Variants in ANKRD62 observed in about 807,000 individuals in gnomAD.
The protein encoded by ANKRD62 is ankyrin repeat domain 62.
A neutral mutation model predicts 98.8 loss-of-function variants in ANKRD62; 61 were observed. The observed-to-expected ratio is 0.62, with a 90% CI of 0.50 to 0.76. The LOEUF (loss-of-function observed/expected upper bound fraction) is 0.76. Among genes scored for constraint, ANKRD62 ranks in the 30% least tolerant of loss-of-function variants. The probability of loss-of-function intolerance (pLI) is 0.00; values close to 1 mark genes in which losing one functional copy is unlikely to be tolerated. For synonymous variants in ANKRD62, 341 were observed against 367.9 expected (o/e 0.93, Z 0.84); for missense variants, 933 against 1,082.9 (o/e 0.86, Z 1.94).
intron 10 of ANKRD62, among the ~76,000 whole-genome samples, chr18:12,119,557 G>A (rs1909741398): frequency 1.3e-5 from 2 of 151,994 alleles, no homozygotes; most frequent in African/African-American, 2.4e-5. Flanking sequence ...GGGCGGAGGA[G>A]CTCTCTGAGG....
intron 13 of ANKRD62, among the ~76,000 whole-genome samples, chr18:12,127,126 G>A (rs925650668): frequency 6.6e-6 from 1 of 152,164 alleles, no homozygotes; most frequent in African/African-American, 2.4e-5. Flanking sequence ...CTCTCATTTG[G>A]ATATAAGGTT....
At chr18:12,095,886 C>T (rs1051287987) in intron 3 of ANKRD62, among the ~76,000 whole-genome samples, 3 of 152,180 alleles carry the variant, frequency 2.0e-5, no homozygotes, top group Non-Finnish European at 4.4e-5. Context: ...AGATTTCAGG[C>T]TTCTCTTAAA....
At chr18:12,131,872 A>G (rs563321476), downstream of ANKRD62, among the ~76,000 whole-genome samples, 5 of 151,932 alleles carry the variant, frequency 3.3e-5, no homozygotes, top group African/African-American at 1.2e-4. Flanking sequence ...TAATTCTTCA[A>G]ACTGGATTGT....
intron 8 of ANKRD62, among the ~76,000 whole-genome samples, chr18:12,112,660 A>T (rs1390189574): frequency 6.6e-6 from 1 of 152,230 alleles, no homozygotes; most frequent in Non-Finnish European, 1.5e-5. Flanking sequence ...ACCGGCAAAG[A>T]TTTCATCATG....
chr18:12,134,485 A>G (rs996564499), downstream of ANKRD62, among the ~76,000 whole-genome samples: 7 of 151,984 alleles, frequency 4.6e-5, no homozygotes, highest in Admixed American at 3.9e-4. Context: ...TTAACTCGTC[A>G]TTTACATTAG....
rs1343599823 is a variant in ANKRD62 at position 12,102,868 on chromosome 18, GGTTTT to G, written c.821-286_821-282del. On this transcript the variant is annotated intron_variant, in intron 6 of 13. Coordinates refer to ENST00000587848, the MANE Select transcript of ANKRD62 (RefSeq NM_001277333.2). ...GATTTTCAAATTTTGTTTTTCTGAT[GGTTTT>G]GTTCATTTATATTGTTGGGTGGATT... is the stretch of plus-strand genomic sequence containing the variant. 9.7e-6 allele frequency: 7 copies of G among 724,392 alleles called. No homozygotes were observed. The African/African-American group carries it at 1.3e-4, about 14-fold the overall frequency. 44.9% of individuals were successfully genotyped at this position (724,392 alleles called of 1,614,324 possible).
chr18:12,103,040 T>G (rs767958640), intron 6 of ANKRD62, 118 bp from the exon 7 acceptor site: 9 of 776,882 alleles, frequency 1.2e-5, no homozygotes, highest in African/African-American at 3.6e-5. Flanking sequence ...TTAAGCTTCA[T>G]TAAAATTCTC....
At chr18:12,153,062 C>T in the ANKRD62 span, among the ~76,000 whole-genome samples, 1 of 152,062 alleles carries the variant, frequency 6.6e-6, no homozygotes, top group South Asian at 2.1e-4. Context: ...TCACAATGCC[C>T]ACACAGATAA....
In ANKRD62 at chr18:12,127,876, G is replaced by A; in HGVS notation, c.2691G>A (p.Lys897=). ...NLEDEAQSLK[K]KLGQMRSQVC... is the part of the protein sequence containing the mutation. ...AAGATGAGGCACAAAGTTTAAAAAA[G>A]AAATTAGGCCAGATGAGAAGTCAAG... The change falls in exon 14 of 14, where the codon AAG becomes AAA. Residue 897 remains lysine (K), a synonymous_variant. Coordinates refer to ENST00000587848, the MANE Select transcript of ANKRD62 (RefSeq NM_001277333.2). 6.6e-7 allele frequency: 1 copy of A among 1,525,148 alleles called. No homozygotes were observed. Among genetic ancestry groups the A allele is most frequent in the Non-Finnish European group, 8.8e-7 (1 of 1,142,448 alleles). The allele number at this position is 1,525,148 out of a possible 1,614,324, so 94.5% of individuals were successfully genotyped here. A position where few individuals can be genotyped will look rare whatever the true frequency, so the allele number is the denominator to read the frequency against.
intron 10 of ANKRD62, among the ~76,000 whole-genome samples, chr18:12,116,267 C>A (rs1909662240): frequency 6.6e-6 from 1 of 151,958 alleles, no homozygotes; most frequent in Non-Finnish European, 1.5e-5. Flanking sequence ...AAATTGTTTT[C>A]AAAAAAAGTG....
chr18:12,169,286 A>G, the ANKRD62 span, among the ~76,000 whole-genome samples: 1 of 152,118 alleles, frequency 6.6e-6, no homozygotes, highest in African/African-American at 2.4e-5. Context: ...GATAGCTCTT[A>G]TTATTTTGAG....
Position 12,095,554 on chromosome 18 carries a change from A to G in ANKRD62, c.451A>G (p.Ile151Val), listed in dbSNP as rs1188071097. Residue 151 changes from isoleucine (I) to valine (V), a missense_variant, in exon 3 of 14, where the codon ATA (isoleucine) becomes GTA (valine). Ile to Val is a conservative substitution (Grantham distance 29). Transcript: ENST00000587848. ...ALHYAIDNEN[I>V]SMARKLLAYG... is the part of the protein sequence containing the mutation. ...GCACTATGCCATTGATAATGAGAAT[A>G]TATCAATGGCAAGAAAACTGCTTGC... 9.1e-6 allele frequency: 14 copies of G among 1,546,658 alleles called. No individual in the cohort carries two copies. In the East Asian group the frequency reaches 3.3e-4, roughly 37 times the overall value.
At chr18:12,140,199 A>G in the ANKRD62 span, among the ~76,000 whole-genome samples, 2 of 152,180 alleles carry the variant, frequency 1.3e-5, no homozygotes, top group Non-Finnish European at 2.9e-5. Context: ...CAGCTCCATC[A>G]GGTCCTTTAA....
At chr18:12,140,042 G>A in the ANKRD62 span, among the ~76,000 whole-genome samples, 16 of 152,162 alleles carry the variant, frequency 1.1e-4, no homozygotes, top group African/African-American at 1.7e-4. Context: ...GGCTTTGTTC[G>A]TTTCTTTTTA....
the ANKRD62 span, among the ~76,000 whole-genome samples, chr18:12,139,860 A>G: frequency 6.6e-6 from 1 of 152,064 alleles, no homozygotes; most frequent in South Asian, 2.1e-4. Context: ...TCTTTGTGGC[A>G]TTCTCTGTAT....
chr18:12,141,483 C>T, the ANKRD62 span, among the ~76,000 whole-genome samples: 27 of 152,014 alleles, frequency 1.8e-4, no homozygotes, highest in Non-Finnish European at 3.5e-4. Context: ...TTACTCAACT[C>T]CGTCAGGCCT....
chr18:12,140,571 G>A, the ANKRD62 span, among the ~76,000 whole-genome samples: 1 of 152,292 alleles, frequency 6.6e-6, no homozygotes, highest in Non-Finnish European at 1.5e-5. Flanking sequence ...TAACAGTCAG[G>A]ACCCTCAGCT....
At chr18:12,103,538 ATAATT>A (rs555395128) in intron 7 of ANKRD62, among the ~76,000 whole-genome samples, 51 of 152,274 alleles carry the variant, frequency 3.3e-4, no homozygotes, top group Non-Finnish European at 6.5e-4. Context: ...AAAATTATGA[ATAATT>A]TAACAATGGT....
the ANKRD62 span, among the ~76,000 whole-genome samples, chr18:12,165,894 C>G: frequency 1.9e-4 from 29 of 152,096 alleles, no homozygotes; most frequent in African/African-American, 6.5e-4. Context: ...ATATTTTTGC[C>G]AGATATACTA....
Sources: allele counts gnomAD v4.1 joint callset (sites outside exome capture counted in the v4.1 genomes callset), GRCh38; gene constraint gnomAD v4.1.1; transcripts MANE v1.5; gene names NCBI Gene and HGNC (gene_info 2026-07-23, HGNC 2026-07-21).